The following PRDM11 variants were observed in gnomAD, a reference collection of about 807,000 sequenced individuals.
The protein encoded by PRDM11 is PR domain-containing protein 11.
In PRDM11, 20 loss-of-function variants were observed where a neutral mutation model predicts 97.8. The observed-to-expected ratio is 0.20, with a 90% CI of 0.14 to 0.30. The LOEUF (loss-of-function observed/expected upper bound fraction) is 0.30, where lower values mean the gene tolerates loss of function less well. Among genes scored for constraint, PRDM11 ranks in the 10% least tolerant of loss-of-function variants. The pLI is 1.00. For missense variants in PRDM11, 1,139 were observed against 1,555.2 expected, an observed-to-expected ratio of 0.73 and a Z score of 4.50; for synonymous variants, 599 against 637.7, an observed-to-expected ratio of 0.94 and a Z score of 0.91.
chr11:45,139,650 C>G (rs1269641272), intron 1 of PRDM11, among the ~76,000 whole-genome samples: 1 of 150,500 alleles, frequency 6.6e-6, no homozygotes, highest in Non-Finnish European at 1.5e-5. Flanking sequence ...ATTTTGGGAA[C>G]TCATCTTAAG....
chr11:45,115,508 G>C (rs935500915), intron 1 of PRDM11, among the ~76,000 whole-genome samples: 2 of 152,122 alleles, frequency 1.3e-5, no homozygotes, highest in African/African-American at 2.4e-5. Context: ...TTAAAAAGCA[G>C]AGCTTATCAG....
intron 4 of PRDM11, among the ~76,000 whole-genome samples, chr11:45,201,583 T>A (rs183425808): frequency 2.2e-4 from 34 of 152,226 alleles, no homozygotes; most frequent in Middle Eastern, 3.4e-3. Context: ...AGCCTCAAAC[T>A]CTTGGGCTTA....
At chr11:45,176,184 G>A (rs1212865827) in intron 1 of PRDM11, among the ~76,000 whole-genome samples, 1 of 152,040 alleles carries the variant, frequency 6.6e-6, no homozygotes, top group Non-Finnish European at 1.5e-5. Context: ...GACCAGTGTG[G>A]CCAACATGGT....
intron 5 of PRDM11, chr11:45,213,747 T>C (rs754785735): frequency 1.5e-4 from 69 of 456,238 alleles, no homozygotes; most frequent in Middle Eastern, 1.3e-3. Flanking sequence ...GGTATTATTA[T>C]GATCATTTTT....
Position 45,165,456 on chromosome 11 carries a change from T to G in PRDM11, c.-6-16305T>G, listed in dbSNP as rs147404994. 4.5e-3 allele frequency among the ~76,000 whole-genome samples: 680 copies of G among 152,248 alleles called. 3 individuals are homozygous for G. The highest frequency in any genetic ancestry group is 0.01 in the Middle Eastern group (3 of 294). ...CACCCTCATCTCCTCTGAGGCTGGG[T>G]TCTCAGGGGGTGGCATCTGCACAGC... On this transcript the variant is annotated intron_variant, in intron 1 of 7. Transcript: ENST00000683152.
At chr11:45,126,740 C>T (rs1350717685) in intron 1 of PRDM11, among the ~76,000 whole-genome samples, 1 of 152,140 alleles carries the variant, frequency 6.6e-6, no homozygotes, top group Admixed American at 6.6e-5. Flanking sequence ...TTGTGGGTAA[C>T]CCGACCTTTC....
At chr11:45,143,630 G>A (rs140709263), upstream of PRDM11, among the ~76,000 whole-genome samples, 14 of 152,350 alleles carry the variant, frequency 9.2e-5, no homozygotes, top group Admixed American at 7.8e-4. Flanking sequence ...ATGACACTGA[G>A]CAATGGAGTC....
chr11:45,104,273 T>C (rs948832457), intron 1 of PRDM11, among the ~76,000 whole-genome samples: 1 of 152,150 alleles, frequency 6.6e-6, no homozygotes, highest in East Asian at 1.9e-4. Flanking sequence ...AGGCATCAGC[T>C]GGCCAGAAGG....
rs1854352904 is a variant in PRDM11 at position 45,229,450 on chromosome 11, G to T, written c.*1291G>T. Reference sequence around the variant, plus strand: ...GAGAAAAGAAGAGAGGACTCTCAAGGCATCAGCCTACACAGACACACACAC... The same window carrying T: ...GAGAAAAGAAGAGAGGACTCTCAAGTCATCAGCCTACACAGACACACACAC... On this transcript the variant is annotated 3_prime_UTR_variant, in exon 8 of 8. Transcript: ENST00000683152. 1 of 151,316 alleles carries T rather than the reference G, an allele frequency of 6.6e-6. No homozygotes were observed. Among genetic ancestry groups the T allele is most frequent in the Admixed American group, 6.6e-5 (1 of 15,182 alleles). The allele number at this position is 151,316 out of a possible 1,614,324, so 9.4% of individuals were successfully genotyped here.
intron 4 of PRDM11, among the ~76,000 whole-genome samples, chr11:45,198,714 G>A (rs1241074933): frequency 6.6e-6 from 1 of 152,162 alleles, no homozygotes; most frequent in Non-Finnish European, 1.5e-5. Flanking sequence ...TTGCTCAGAG[G>A]CAAAGCTGGA....
At chr11:45,169,390 A>G (rs1395022465) in intron 1 of PRDM11, among the ~76,000 whole-genome samples, 1 of 152,256 alleles carries the variant, frequency 6.6e-6, no homozygotes, top group African/African-American at 2.4e-5. Flanking sequence ...ATATGAGCAC[A>G]TCTAAATGTG....
chr11:45,206,379 G>A (rs758092034), intron 5 of PRDM11, among the ~76,000 whole-genome samples: 5 of 152,344 alleles, frequency 3.3e-5, no homozygotes, highest in Admixed American at 2.0e-4. Context: ...CTGGGTTGTG[G>A]TGTCTAGTCA....
chr11:45,107,927 A>G (rs766186912), intron 1 of PRDM11, among the ~76,000 whole-genome samples: 4 of 151,546 alleles, frequency 2.6e-5, no homozygotes, highest in Non-Finnish European at 5.9e-5. Flanking sequence ...ACTCCAGGGT[A>G]CAAGTGATTC....
chr11:45,118,330 T>C (rs559978690), intron 1 of PRDM11, among the ~76,000 whole-genome samples: 1 of 152,308 alleles, frequency 6.6e-6, no homozygotes, highest in African/African-American at 2.4e-5. Context: ...CTGTAACAAA[T>C]ATAGTTATGT....
At chr11:45,193,348 A>G (rs1013067373) in intron 4 of PRDM11, among the ~76,000 whole-genome samples, 6 of 152,216 alleles carry the variant, frequency 3.9e-5, no homozygotes, top group Non-Finnish European at 8.8e-5. Flanking sequence ...GCTCATAGCA[A>G]GTAGTCATAA....
chr11:45,105,017 T>C (rs1308446338), intron 1 of PRDM11, among the ~76,000 whole-genome samples: 1 of 152,220 alleles, frequency 6.6e-6, no homozygotes, highest in Non-Finnish European at 1.5e-5. Context: ...ATAATCTAGG[T>C]GGTTTACAAA....
chr11:45,151,475 G>A (rs1255300865), intron 1 of PRDM11, among the ~76,000 whole-genome samples: 2 of 152,238 alleles, frequency 1.3e-5, no homozygotes, highest in Non-Finnish European at 2.9e-5. Context: ...TGTAAGTGGG[G>A]AGGCCTGGAC....
At chr11:45,212,744 G>A (rs966344782) in intron 5 of PRDM11, 12 of 456,368 alleles carry the variant, frequency 2.6e-5, no homozygotes, top group Admixed American at 9.4e-5. Flanking sequence ...GCAGACCGAG[G>A]TGTTCCGGCA....
At chr11:45,141,076 A>T (rs1266378379) in intron 1 of PRDM11, among the ~76,000 whole-genome samples, 1 of 152,166 alleles carries the variant, frequency 6.6e-6, no homozygotes, top group African/African-American at 2.4e-5. Flanking sequence ...CCTGTCTAAC[A>T]AGGCAAGCTC....
Sources: allele counts gnomAD v4.1 joint callset (sites outside exome capture counted in the v4.1 genomes callset), GRCh38; gene constraint gnomAD v4.1.1; transcripts MANE v1.5; gene names NCBI Gene and HGNC (gene_info 2026-07-23, HGNC 2026-07-21).